Variants in TTLL7 observed in about 807,000 individuals in gnomAD.
TTLL7 encodes the protein tubulin tyrosine ligase like 7.
A neutral mutation model predicts 120.2 loss-of-function variants in TTLL7; 53 were observed. The observed-to-expected ratio is 0.44, with a 90% CI of 0.35 to 0.55. The LOEUF is 0.55. TTLL7 is among the 20% of genes least tolerant of loss of function. The pLI is 0.00. For missense variants in TTLL7, 803 were observed against 1,054.7 expected (o/e 0.76, Z 3.31); for synonymous variants, 353 against 351.7 (o/e 1.00, Z -0.04).
chr1:83,968,735 G>A (rs965970859), intron 1 of TTLL7, among the ~76,000 whole-genome samples: 5 of 151,946 alleles, frequency 3.3e-5, no homozygotes, highest in African/African-American at 9.7e-5. Context: ...ATGAGAAGCC[G>A]ACTTCATGAT....
In TTLL7 at chr1:83,911,422, G is replaced by C. The variant is rs1396898575; in HGVS notation, c.1588-59C>G. On this transcript the variant is annotated intron_variant, in intron 14 of 20. Transcript: ENST00000260505. The stretch of plus-strand genomic sequence containing the variant: ...ATTCTTAAAAAAGGTTTATTGATAT[G>C]ATTAGTTACTATTTTTAATTTCCCC... 6.7e-6 allele frequency: 9 copies of C among 1,350,612 alleles called. No homozygotes were observed. The East Asian group carries it at 1.9e-4, about 28-fold the overall frequency. 83.7% of individuals were successfully genotyped at this position (1,350,612 alleles called of 1,614,324 possible).
chr1:83,887,294 A>C (rs1246786921), intron 19 of TTLL7: 1 of 1,069,986 alleles, frequency 9.3e-7, no homozygotes, highest in African/African-American at 1.7e-5. Context: ...ACTGTGAAAG[A>C]AAGTTGAACC....
intron 1 of TTLL7, among the ~76,000 whole-genome samples, chr1:83,954,901 G>A (rs991927423): frequency 2.7e-5 from 4 of 148,706 alleles, no homozygotes; most frequent in African/African-American, 9.9e-5. Context: ...TTGACGGTGA[G>A]CACAAAATGA....
Position 83,867,699 on chromosome 1 carries a change from C to T in TTLL7, c.*2263G>A, listed in dbSNP as rs966380723. The T allele has an allele frequency of 4.6e-5, 7 of 151,574 alleles. No individual in the cohort carries two copies. Among genetic ancestry groups the T allele is most frequent in the Admixed American group, 2.6e-4 (4 of 15,188 alleles). The allele number at this position is 151,574 out of a possible 1,614,324, so 9.4% of individuals were successfully genotyped here. On this transcript the variant is annotated 3_prime_UTR_variant, in exon 21 of 21. Transcript: ENST00000260505. ...ATTTAAGATAATGCAAATGAGTGGC[C>T]GAGAAACTGGGCTGTTATCATATAT...
At chr1:83,950,053 T>C in intron 3 of TTLL7, 67 bp from the exon 4 acceptor site, 1 of 1,349,262 alleles carries the variant, frequency 7.4e-7, no homozygotes, top group Non-Finnish European at 1.0e-6. Flanking sequence ...TGCAGAAACA[T>C]TTTTCTATCT....
At chr1:83,977,675 T>G (rs1478492841) in intron 1 of TTLL7, among the ~76,000 whole-genome samples, 1 of 152,086 alleles carries the variant, frequency 6.6e-6, no homozygotes, top group Non-Finnish European at 1.5e-5. Flanking sequence ...ATGCCAAGTA[T>G]TTCCCCTTGG....
At chr1:83,961,080 A>G (rs1414480813) in intron 1 of TTLL7, among the ~76,000 whole-genome samples, 1 of 152,114 alleles carries the variant, frequency 6.6e-6, no homozygotes, top group Admixed American at 6.5e-5. Flanking sequence ...TCTAGTAACA[A>G]TCTTGACCTT....
At chr1:83,882,933 T>C in intron 20 of TTLL7, 30 bp downstream of exon 20, 1 of 1,596,808 alleles carries the variant, frequency 6.3e-7, no homozygotes, top group South Asian at 1.1e-5. Context: ...TACATAAAAC[T>C]CTCAAGGGTT....
intron 15 of TTLL7, among the ~76,000 whole-genome samples, chr1:83,908,460 G>C (rs951003568): frequency 1.3e-5 from 2 of 152,070 alleles, no homozygotes; most frequent in African/African-American, 4.8e-5. Context: ...AATTTTTTAA[G>C]TAGGTTAAAT....
intron 6 of TTLL7, chr1:83,946,256 T>C (rs991491702): frequency 4.6e-5 from 7 of 152,318 alleles, no homozygotes; most frequent in Admixed American, 4.6e-4. Context: ...CTTCACTGTG[T>C]TAGCCAGGAT....
At chr1:83,878,366 T>C (rs1469957491) in intron 20 of TTLL7, among the ~76,000 whole-genome samples, 1 of 152,002 alleles carries the variant, frequency 6.6e-6, no homozygotes, top group African/African-American at 2.4e-5. Flanking sequence ...TGAGAAATGA[T>C]TATTAAATCT....
At position 83,947,137 on chromosome 1, in the gene TTLL7, C is replaced by T. The variant is rs750449891; in HGVS notation, c.493G>A (p.Ala165Thr). 3.7e-6 allele frequency: 6 copies of T among 1,610,118 alleles called. No homozygotes were observed. The African/African-American group carries it at 8.0e-5, about 22-fold the overall frequency. The change falls in exon 6 of 21, where the codon GCA (alanine) becomes ACA (threonine). Residue 165 changes from alanine (A) to threonine (T), a missense_variant. Coordinates refer to ENST00000260505, the MANE Select transcript of TTLL7 (RefSeq NM_024686.6). ...KTFIVKPANGAMGHGISLIRN... is the reference protein window; with the variant it reads ...KTFIVKPANGTMGHGISLIRN... ...AAGCAAACCTACCCATGACCCATTG[C>T]ACCATTAGCTGGTTTCACTATAAAA...
chr1:83,917,428 A>T (rs1042361285), intron 14 of TTLL7, among the ~76,000 whole-genome samples, 176 bp downstream of exon 14: 1 of 152,172 alleles, frequency 6.6e-6, no homozygotes, highest in African/African-American at 2.4e-5. Flanking sequence ...TGAAACTAAT[A>T]AAACAAAACA....
rs981298356 is a variant in TTLL7 at position 83,988,795 on chromosome 1, G to A, written c.-177+10136C>T. 4.0e-5 allele frequency among the ~76,000 whole-genome samples: 6 copies of A among 151,660 alleles called. No homozygotes were observed. In the East Asian group the frequency reaches 5.8e-4, roughly 15 times the overall value. ...ACGATCTCAGCTCACTGCAGTCTCCGTCTCCCGGATTCAAGCTATTCTCCT... is the reference window on the plus strand; with the variant it reads ...ACGATCTCAGCTCACTGCAGTCTCCATCTCCCGGATTCAAGCTATTCTCCT... On this transcript the variant is annotated intron_variant, in intron 1 of 20. Coordinates refer to ENST00000260505, the MANE Select transcript of TTLL7 (RefSeq NM_024686.6).
At chr1:83,924,231 T>C (rs895993754) in intron 10 of TTLL7, among the ~76,000 whole-genome samples, 2 of 152,152 alleles carry the variant, frequency 1.3e-5, no homozygotes, top group African/African-American at 4.8e-5. Flanking sequence ...CTATTTGAAA[T>C]GTGGGGGGAA....
intron 20 of TTLL7, among the ~76,000 whole-genome samples, chr1:83,871,332 G>T (rs1653372734): frequency 6.6e-6 from 1 of 152,130 alleles, no homozygotes; most frequent in Non-Finnish European, 1.5e-5. Context: ...CTGTTTTCCT[G>T]TGAAAAATCT....
intron 18 of TTLL7, among the ~76,000 whole-genome samples, chr1:83,895,504 CA>C (rs1357229527): frequency 6.6e-6 from 1 of 151,924 alleles, no homozygotes; most frequent in Non-Finnish European, 1.5e-5. Flanking sequence ...ATTAATTCTG[CA>C]GGAAAAAAAT....
intron 15 of TTLL7, among the ~76,000 whole-genome samples, chr1:83,909,360 A>C (rs1657491673): frequency 6.9e-6 from 1 of 144,694 alleles, no homozygotes; most frequent in African/African-American, 2.6e-5. Context: ...GGGTAGGTTC[A>C]CAAAAAATCT....
intron 18 of TTLL7, among the ~76,000 whole-genome samples, chr1:83,892,995 G>GGGAGA (rs146209525): frequency 1.9e-4 from 28 of 145,748 alleles, no homozygotes; most frequent in Non-Finnish European, 3.5e-4. Context: ...GGGAGGGGAG[G>GGGAGA]GGAGAGGAGA....
Sources: gnomAD v4.1 joint callset for allele counts (sites outside exome capture counted in the v4.1 genomes callset) on GRCh38, gnomAD v4.1.1 for gene constraint, MANE v1.5 for transcripts, NCBI Gene and HGNC (gene_info 2026-07-23, HGNC 2026-07-21) for gene names.